Variants in NCKAP5 observed in about 807,000 individuals in gnomAD.
The protein encoded by NCKAP5 is NCK associated protein 5.
In NCKAP5, 92 loss-of-function variants were observed where a neutral mutation model predicts 167.0. The observed-to-expected ratio is 0.55, with a 90% CI of 0.47 to 0.66. The LOEUF (loss-of-function observed/expected upper bound fraction) is 0.66. Among genes scored for constraint, NCKAP5 ranks in the 30% least tolerant of loss-of-function variants. NCKAP5 has a pLI of 0.00. For synonymous variants in NCKAP5, 891 were observed against 877.4 expected (o/e 1.02, Z -0.27); for missense variants, 2,378 against 2,315.0 (o/e 1.03, Z -0.56).
chr2:133,481,777 T>G (rs1388596003), intron 3 of NCKAP5, among the ~76,000 whole-genome samples: 1 of 152,246 alleles, frequency 6.6e-6, no homozygotes, highest in Non-Finnish European at 1.5e-5. Flanking sequence ...TTCTTTTTTA[T>G]GCCTCCATAG....
chr2:132,812,095 G>A (rs983360155), intron 11 of NCKAP5, among the ~76,000 whole-genome samples: 2 of 152,274 alleles, frequency 1.3e-5, no homozygotes, highest in African/African-American at 2.4e-5. Context: ...TCCCACTTCC[G>A]CAGTTGGGGC....
chr2:133,607,866 T>G, the NCKAP5 span, among the ~76,000 whole-genome samples: 1 of 152,208 alleles, frequency 6.6e-6, no homozygotes, highest in African/African-American at 2.4e-5. Flanking sequence ...TTTTCTTGTA[T>G]GGTGAGTCTG....
chr2:133,562,184 C>T (rs1688205541), intron 1 of NCKAP5, among the ~76,000 whole-genome samples: 1 of 151,372 alleles, frequency 6.6e-6, no homozygotes, highest in South Asian at 2.1e-4. Context: ...GAGAGGGTGG[C>T]CCAAGAGACT....
At chr2:132,794,249 TATATATATATATATAGAGAGAGAGAG>T (rs1287558488) in intron 12 of NCKAP5, among the ~76,000 whole-genome samples, 31 of 60,300 alleles carry the variant, frequency 5.1e-4, no homozygotes, top group African/African-American at 2.1e-3. Flanking sequence ...TATATATATA[TATATATATATATATAGAGAGAGAGAG>T]AGAGAGAGAG....
At chr2:132,865,099 A>G (rs1690239453) in intron 10 of NCKAP5, among the ~76,000 whole-genome samples, 1 of 152,028 alleles carries the variant, frequency 6.6e-6, no homozygotes, top group South Asian at 2.1e-4. Context: ...ATACATCCTT[A>G]TCTCTGCCCC....
At chr2:133,107,072 T>C (rs1162975862) in intron 6 of NCKAP5, among the ~76,000 whole-genome samples, 1 of 152,110 alleles carries the variant, frequency 6.6e-6, no homozygotes, top group African/African-American at 2.4e-5. Context: ...AAAAAGTCAT[T>C]TTTACATCAT....
At chr2:133,067,633 T>G (rs2080243637) in intron 6 of NCKAP5, among the ~76,000 whole-genome samples, 1 of 152,184 alleles carries the variant, frequency 6.6e-6, no homozygotes, top group African/African-American at 2.4e-5. Flanking sequence ...CAAAATAGAC[T>G]GTCTTCCAGC....
the NCKAP5 span, among the ~76,000 whole-genome samples, chr2:133,582,018 A>C: frequency 1.3e-3 from 198 of 152,356 alleles, 2 homozygotes; most frequent in Admixed American, 3.5e-3. Context: ...CCTGGAGAAA[A>C]AAATTAAAAT....
At chr2:132,767,492 C>T (rs578016434) in intron 16 of NCKAP5, among the ~76,000 whole-genome samples, 6 of 152,274 alleles carry the variant, frequency 3.9e-5, no homozygotes, top group Non-Finnish European at 7.3e-5. Flanking sequence ...GTTATCCACC[C>T]GCCTTGGCCT....
intron 3 of NCKAP5, among the ~76,000 whole-genome samples, chr2:133,478,665 C>T (rs191301628): frequency 9.5e-4 from 145 of 152,256 alleles, no homozygotes; most frequent in Non-Finnish European, 1.5e-3. Context: ...AGATTTATGA[C>T]GAAACATACA....
intron 7 of NCKAP5, among the ~76,000 whole-genome samples, chr2:132,983,752 C>A (rs1428977472): frequency 6.6e-6 from 1 of 152,156 alleles, no homozygotes; most frequent in East Asian, 1.9e-4. Flanking sequence ...CTATCTCCAC[C>A]CTTTCAGGGC....
At chr2:132,678,371 T>C (rs1208718468) in intron 19 of NCKAP5, among the ~76,000 whole-genome samples, 2 of 152,190 alleles carry the variant, frequency 1.3e-5, no homozygotes, top group African/African-American at 2.4e-5. Context: ...GGTTAGTATA[T>C]CTAGTGTCAG....
chr2:133,384,425 T>G (rs2150961232), intron 3 of NCKAP5, among the ~76,000 whole-genome samples: 1 of 152,342 alleles, frequency 6.6e-6, no homozygotes, highest in South Asian at 2.1e-4. Flanking sequence ...TATCTCTGTT[T>G]TGGTACCAGT....
At position 133,213,778 on chromosome 2, in the gene NCKAP5, C is replaced by G; in HGVS notation, c.145G>C (p.Glu49Gln). ...TGTAGTCGGGCCACTGCCAACTTCT[C>G]CCTGAAGAAACAAAAACACATGATT... ...LEEQHRSLWREKLAVARLQRE... is the reference protein window; with the variant it reads ...LEEQHRSLWRQKLAVARLQRE... The change falls in exon 5 of 20, where the codon GAG becomes CAG. Residue 49 changes from glutamate to glutamine, a missense_variant and splice_region_variant. Physicochemically the swap from Glu to Gln is conservative, Grantham distance 29 (BLOSUM62 2). Transcript: ENST00000409261. 3 of 1,613,746 alleles carry G rather than the reference C, an allele frequency of 1.9e-6. No individual in the cohort carries two copies. Among genetic ancestry groups the G allele is most frequent in the Non-Finnish European group, 2.5e-6 (3 of 1,179,780 alleles).
At chr2:133,272,578 C>T (rs1243047247) in intron 4 of NCKAP5, among the ~76,000 whole-genome samples, 1 of 151,998 alleles carries the variant, frequency 6.6e-6, no homozygotes, top group Non-Finnish European at 1.5e-5. Flanking sequence ...AAACATAGGT[C>T]CAAAATTTTA....
At chr2:132,936,439 G>A (rs1370749287) in intron 8 of NCKAP5, among the ~76,000 whole-genome samples, 3 of 152,188 alleles carry the variant, frequency 2.0e-5, no homozygotes, top group African/African-American at 7.2e-5. Context: ...TGACTCACTT[G>A]TCTGATAATA....
chr2:133,647,333 A>AAAAGAAAGGAAAGAAAGG, the NCKAP5 span, among the ~76,000 whole-genome samples: 1 of 136,784 alleles, frequency 7.3e-6, no homozygotes, highest in East Asian at 2.6e-4. Flanking sequence ...CAAGACCGAA[A>AAAAGAAAGGAAAGAAAGG]AAAGAAAGGA....
At chr2:133,658,761 G>T in the NCKAP5 span, among the ~76,000 whole-genome samples, 1 of 152,032 alleles carries the variant, frequency 6.6e-6, no homozygotes, top group Admixed American at 6.6e-5. Flanking sequence ...TGAGCCCCTG[G>T]GCTTGATTTG....
chr2:133,663,660 C>T, the NCKAP5 span, among the ~76,000 whole-genome samples: 1 of 152,216 alleles, frequency 6.6e-6, no homozygotes, highest in Admixed American at 6.5e-5. Context: ...AGCAACTCCT[C>T]ACCTGTTAGA....
Sources: gnomAD v4.1 joint callset for allele counts (sites outside exome capture counted in the v4.1 genomes callset) on GRCh38, gnomAD v4.1.1 for gene constraint, MANE v1.5 for transcripts, NCBI Gene and HGNC (gene_info 2026-07-23, HGNC 2026-07-21) for gene names.